Variants in SLC10A7 observed in about 807,000 individuals in gnomAD.
SLC10A7 encodes the protein sodium/bile acid cotransporter 7.
Under a neutral mutation model 43.2 loss-of-function variants are expected in SLC10A7, and 29 were observed. The ratio of observed to expected loss-of-function variants is 0.67; its 90% CI spans 0.50 to 0.92. The LOEUF (loss-of-function observed/expected upper bound fraction) is 0.92. SLC10A7 is among the 40% of genes least tolerant of loss of function. The pLI is 0.00. For missense variants in SLC10A7, 295 were observed against 403.2 expected (o/e 0.73, Z 2.30); for synonymous variants, 152 against 144.8 (o/e 1.05, Z -0.35).
chr4:146,257,500 CCTAACTCCAGCACTGGCTGAA>C (rs1486426288), intron 11 of SLC10A7, among the ~76,000 whole-genome samples: 2 of 152,142 alleles, frequency 1.3e-5, no homozygotes, highest in Non-Finnish European at 2.9e-5. Flanking sequence ...GTGTTCAGGT[CCTAACTCCAGCACTGGCTGAA>C]CTACCCTATG....
At chr4:146,361,127 A>C (rs1435562159) in intron 5 of SLC10A7, among the ~76,000 whole-genome samples, 1 of 152,090 alleles carries the variant, frequency 6.6e-6, no homozygotes, top group Non-Finnish European at 1.5e-5. Context: ...AGCATTTATC[A>C]CATTATATTT....
chr4:146,393,182 G>C (rs2149806378), intron 5 of SLC10A7, among the ~76,000 whole-genome samples: 2 of 87,756 alleles, frequency 2.3e-5, no homozygotes, highest in African/African-American at 9.4e-5. Context: ...ACAGAGCAAG[G>C]CCCTGTCTCA....
At chr4:146,257,080 T>C in intron 11 of SLC10A7, 1 of 605,378 alleles carries the variant, frequency 1.7e-6, no homozygotes, top group Non-Finnish European at 2.9e-6. Context: ...ACTATGGCTG[T>C]ATAATATTGA....
At chr4:146,266,392 C>T (rs1372945272) in intron 10 of SLC10A7, among the ~76,000 whole-genome samples, 2 of 151,798 alleles carry the variant, frequency 1.3e-5, no homozygotes, top group Non-Finnish European at 2.9e-5. Flanking sequence ...ATCTTTTTGC[C>T]CCTACCCACC....
intron 5 of SLC10A7, among the ~76,000 whole-genome samples, chr4:146,333,534 A>T (rs929585630): frequency 6.6e-6 from 1 of 152,168 alleles, no homozygotes; most frequent in African/African-American, 2.4e-5. Flanking sequence ...CAGGCAAAGG[A>T]GTCAGAACAG....
chr4:146,492,355 GTTTC>G (rs1735538557), intron 4 of SLC10A7, among the ~76,000 whole-genome samples: 1 of 152,004 alleles, frequency 6.6e-6, no homozygotes, highest in Non-Finnish European at 1.5e-5. Context: ...CAATGTCCAT[GTTTC>G]TTTGTTTCTT....
rs1730621281 is a variant in SLC10A7, at chr4:146,294,096, C to G, written c.556-1G>C. The G allele has an allele frequency of 6.3e-7, 1 of 1,589,360 alleles. No homozygotes were observed. Among genetic ancestry groups the G allele is most frequent in the South Asian group, 1.2e-5 (1 of 86,442 alleles). On this transcript the variant is annotated splice_acceptor_variant, in intron 7 of 11. Transcript: ENST00000335472. LOFTEE classifies it high-confidence loss of function. Reference sequence around the variant, plus strand: ...AATCCTTGATGTATCTTCGGACAATCTGAAATACAGAGATCAACAGGTTGC... The same window carrying G: ...AATCCTTGATGTATCTTCGGACAATGTGAAATACAGAGATCAACAGGTTGC...
At chr4:146,282,568 G>A (rs1427194742) in intron 10 of SLC10A7, among the ~76,000 whole-genome samples, 1 of 152,144 alleles carries the variant, frequency 6.6e-6, no homozygotes, top group Non-Finnish European at 1.5e-5. Flanking sequence ...TTCCGGATGT[G>A]TAACAGGTTA....
At chr4:146,257,011 C>T in intron 11 of SLC10A7, 2 of 1,001,218 alleles carry the variant, frequency 2.0e-6, no homozygotes, top group Non-Finnish European at 3.0e-6. Context: ...TTCTACAGAA[C>T]AAATTCTAGA....
intron 5 of SLC10A7, chr4:146,442,475 C>G: frequency 6.3e-6 from 7 of 1,104,704 alleles, no homozygotes; most frequent in Non-Finnish European, 7.7e-6. Flanking sequence ...TAATAATAAT[C>G]TAAAAGACCT....
chr4:146,289,949 C>T (rs1247997892), intron 9 of SLC10A7, among the ~76,000 whole-genome samples: 5 of 149,254 alleles, frequency 3.3e-5, no homozygotes, highest in East Asian at 2.0e-4. Context: ...CTCCTGACCT[C>T]GTGATCCACC....
intron 2 of SLC10A7, among the ~76,000 whole-genome samples, chr4:146,510,384 T>A (rs770640729): frequency 1.3e-5 from 2 of 151,942 alleles, no homozygotes; most frequent in Non-Finnish European, 2.9e-5. Context: ...ATCAGCCTCC[T>A]GAGTAGTTTG....
intron 2 of SLC10A7, among the ~76,000 whole-genome samples, chr4:146,516,733 G>T (rs1394536385): frequency 6.6e-6 from 1 of 152,042 alleles, no homozygotes; most frequent in Admixed American, 6.6e-5. Flanking sequence ...AGGCATAGCA[G>T]GCACCACTGT....
intron 5 of SLC10A7, among the ~76,000 whole-genome samples, chr4:146,402,532 C>T (rs548888289): frequency 6.6e-6 from 1 of 152,206 alleles, no homozygotes; most frequent in African/African-American, 2.4e-5. Flanking sequence ...GCTTCCTCAG[C>T]CCTGACCCCA....
At chr4:146,328,798 A>G (rs1178986264) in intron 5 of SLC10A7, among the ~76,000 whole-genome samples, 2 of 152,142 alleles carry the variant, frequency 1.3e-5, no homozygotes, top group South Asian at 2.1e-4. Flanking sequence ...AACCAACACT[A>G]TAGATATATC....
At chr4:146,458,354 C>T (rs1732261374) in intron 4 of SLC10A7, among the ~76,000 whole-genome samples, 2 of 151,670 alleles carry the variant, frequency 1.3e-5, no homozygotes, top group Admixed American at 6.6e-5. Flanking sequence ...AAACAGCTGA[C>T]ATCATACCTA....
chr4:146,518,203 C>T (rs954596394), intron 1 of SLC10A7, among the ~76,000 whole-genome samples: 14 of 152,152 alleles, frequency 9.2e-5, no homozygotes, highest in African/African-American at 3.4e-4. Flanking sequence ...AAACAACATT[C>T]TTTCAAAAAA....
At position 146,326,035 on chromosome 4, in the gene SLC10A7, T is replaced by C. The variant is rs753118693; in HGVS notation, c.436-39A>G. 6.8e-5 allele frequency: 108 copies of C among 1,591,924 alleles called. No individual in the cohort carries two copies. In the East Asian group the frequency reaches 2.4e-3, roughly 35 times the overall value. On this transcript the variant is annotated intron_variant, in intron 5 of 11. Transcript: ENST00000335472. ...AAGAGAGGATGATCATTTATCAGCC[T>C]GGAAAGCAGGACACTTTCTTTGCCA...
intron 10 of SLC10A7, among the ~76,000 whole-genome samples, chr4:146,259,212 T>C (rs1560740055): frequency 1.3e-5 from 2 of 152,216 alleles, no homozygotes; most frequent in Admixed American, 1.3e-4. Context: ...AGTAGTGAGA[T>C]AGTCTGTTGG....
Sources: gnomAD v4.1 joint callset for allele counts (sites outside exome capture counted in the v4.1 genomes callset) on GRCh38, gnomAD v4.1.1 for gene constraint, MANE v1.5 for transcripts, NCBI Gene and HGNC (gene_info 2026-07-23, HGNC 2026-07-21) for gene names.